DOCK4: variants seen among roughly 807,000 people sequenced by gnomAD.
The protein encoded by DOCK4 is dedicator of cytokinesis 4.
DOCK4 carries 97 observed loss-of-function variants against 268.1 expected under a neutral mutation model. That is an observed-to-expected ratio of 0.36 (90% CI 0.31 to 0.43). The LOEUF is 0.43. Among genes scored for constraint, DOCK4 ranks in the 20% least tolerant of loss-of-function variants. The pLI is 1.00. For missense variants in DOCK4, 2,145 were observed against 2,455.7 expected (o/e 0.87, Z 2.67); for synonymous variants, 954 against 887.2 (o/e 1.08, Z -1.34).
chr7:111,915,753 A>G, intron 13 of DOCK4, 26 bp downstream of exon 13: 1 of 1,607,404 alleles, frequency 6.2e-7, no homozygotes. Context: ...ATATTTCATC[A>G]TATCGGTACG....
intron 16 of DOCK4, among the ~76,000 whole-genome samples, chr7:111,882,005 A>G (rs1007569502): frequency 6.6e-6 from 1 of 152,208 alleles, no homozygotes; most frequent in Non-Finnish European, 1.5e-5. Context: ...AAGACCTAGT[A>G]TTTGATAACA....
At chr7:112,151,533 G>A (rs1367406100) in intron 1 of DOCK4, among the ~76,000 whole-genome samples, 2 of 151,930 alleles carry the variant, frequency 1.3e-5, no homozygotes, top group Non-Finnish European at 1.5e-5. Context: ...AAATTCAGAG[G>A]GACACCACTG....
chr7:112,178,480 C>T (rs914667157), intron 1 of DOCK4, among the ~76,000 whole-genome samples: 10 of 152,162 alleles, frequency 6.6e-5, no homozygotes, highest in Non-Finnish European at 1.5e-4. Context: ...TCAAAGACTA[C>T]ACCTTTGTCT....
At chr7:112,090,698 T>A (rs1809544977) in intron 1 of DOCK4, among the ~76,000 whole-genome samples, 1 of 152,166 alleles carries the variant, frequency 6.6e-6, no homozygotes, top group African/African-American at 2.4e-5. Flanking sequence ...TTTGATTCTA[T>A]AAACTATATT....
In DOCK4 at chr7:111,945,726, G is replaced by A. The variant is rs1795565179; in HGVS notation, c.774C>T (p.Ser258=). Residue 258 remains serine (S), a synonymous_variant, in exon 9 of 53, where the codon TCC becomes TCT. Transcript: ENST00000428084. ...AACAAGATCCACTCACCACAAAGAG[G>A]GAGCAATGTCGTTCCGGTTTATCAG... is the stretch of plus-strand genomic sequence containing the variant. The part of the protein sequence containing the change: ...KAPDKPERHC[S]LFVDLGSSEL... 1 of 1,595,280 alleles carries A rather than the reference G, an allele frequency of 6.3e-7. No individual in the cohort carries two copies. Among genetic ancestry groups the A allele is most frequent in the African/African-American group, 1.3e-5 (1 of 74,748 alleles).
intron 1 of DOCK4, among the ~76,000 whole-genome samples, chr7:112,204,045 A>G (rs1344613754): frequency 6.6e-6 from 1 of 152,128 alleles, no homozygotes; most frequent in African/African-American, 2.4e-5. Context: ...CTTTTTCTCA[A>G]TTGTGAGCAC....
chr7:112,034,920 C>A (rs1012553089), intron 1 of DOCK4, among the ~76,000 whole-genome samples: 16 of 151,612 alleles, frequency 1.1e-4, no homozygotes, highest in East Asian at 3.9e-4. Context: ...AACAAACAAA[C>A]AAAAAAAACA....
chr7:112,128,377 A>G (rs1343681983), intron 1 of DOCK4, among the ~76,000 whole-genome samples: 1 of 152,050 alleles, frequency 6.6e-6, no homozygotes, highest in African/African-American at 2.4e-5. Context: ...CTGGGAAGTG[A>G]GGAGCCCCTC....
intron 8 of DOCK4, among the ~76,000 whole-genome samples, chr7:111,948,266 A>G (rs541071920): frequency 6.6e-6 from 1 of 152,336 alleles, no homozygotes; most frequent in South Asian, 2.1e-4. Flanking sequence ...AAATAGTTTT[A>G]CTCAAGGTCA....
chr7:112,023,727 A>G, intron 1 of DOCK4: 1 of 407,798 alleles, frequency 2.5e-6, no homozygotes. Context: ...AAGGGGGTGC[A>G]TACCTTGTGC....
At chr7:112,088,383 T>C (rs1393907953) in intron 1 of DOCK4, among the ~76,000 whole-genome samples, 1 of 152,168 alleles carries the variant, frequency 6.6e-6, no homozygotes, top group African/African-American at 2.4e-5. Flanking sequence ...TAAAAAAATG[T>C]ATCTCCTATA....
chr7:111,946,754 G>A (rs965785763), intron 8 of DOCK4, among the ~76,000 whole-genome samples: 8 of 152,018 alleles, frequency 5.3e-5, no homozygotes, highest in African/African-American at 1.7e-4. Context: ...GCTAATTTCT[G>A]CACTTTAAGT....
chr7:112,171,011 G>A (rs748724546), intron 1 of DOCK4, among the ~76,000 whole-genome samples: 9 of 152,148 alleles, frequency 5.9e-5, no homozygotes, highest in Non-Finnish European at 7.4e-5. Flanking sequence ...CTAAACTAAC[G>A]TGAACATGAA....
chr7:111,741,520 T>A lies in DOCK4; in HGVS notation c.4919+20A>T, dbSNP rs760727286. On this transcript the variant is annotated intron_variant, in intron 46 of 52. Coordinates refer to ENST00000428084, the MANE Select transcript of DOCK4 (RefSeq NM_001363540.2). ...TTGCGGGTGAGGCCAAATTGTAAGATAATTTGGAATATGACTTACCTGCGT... is the reference window on the plus strand; with the variant it reads ...TTGCGGGTGAGGCCAAATTGTAAGAAAATTTGGAATATGACTTACCTGCGT... 3.1e-6 allele frequency: 5 copies of A among 1,609,906 alleles called. No homozygotes were observed. In the Admixed American group the frequency reaches 8.4e-5, roughly 27 times the overall value.
At chr7:111,928,816 T>C (rs1793951097) in intron 12 of DOCK4, among the ~76,000 whole-genome samples, 1 of 152,182 alleles carries the variant, frequency 6.6e-6, no homozygotes, top group Admixed American at 6.5e-5. Context: ...CTCGAACTCC[T>C]GACCTCAAGT....
intron 30 of DOCK4, chr7:111,801,856 AT>A (rs538307512): frequency 0.05 from 6,587 of 132,694 alleles, 403 homozygotes; most frequent in African/African-American, 0.16. Context: ...CGCTGGGCTA[AT>A]TTTTTTTTTT....
Position 111,811,938 on chromosome 7 carries a change from G to T in DOCK4, c.2942C>A (p.Thr981Lys). ...TGCATCTGAGAGGTATAGAACTGTT[G>T]TAATAATAACACTAGTGATAAAAAA... ...MRLVANNVII[T>K]TVLYLSDALR... is the part of the protein sequence containing the mutation. Residue 981 changes from threonine to lysine, a missense_variant, in exon 28 of 53, where the codon ACA becomes AAA. By Grantham distance (78) the Thr-to-Lys change is moderately conservative (BLOSUM62 -1). Transcript: ENST00000428084. 6.6e-7 allele frequency: 1 copy of T among 1,509,204 alleles called. No individual in the cohort carries two copies. The highest frequency in any genetic ancestry group is 2.5e-5 in the East Asian group (1 of 40,480). The allele number at this position is 1,509,204 out of a possible 1,614,324, so 93.5% of individuals were successfully genotyped here. A position where few individuals can be genotyped will look rare whatever the true frequency, so the allele number is the denominator to read the frequency against.
chr7:111,999,118 C>G lies in DOCK4; in HGVS notation c.163-615G>C, dbSNP rs1455714548. ...AAATGACAAGGCAAGGAAATTGTTTCTTTGTTCTAAATGGGAAATTGAAAG... is the reference window on the plus strand; with the variant it reads ...AAATGACAAGGCAAGGAAATTGTTTGTTTGTTCTAAATGGGAAATTGAAAG... On this transcript the variant is annotated intron_variant, in intron 3 of 52. Coordinates refer to ENST00000428084, the MANE Select transcript of DOCK4 (RefSeq NM_001363540.2). Among the ~76,000 whole-genome samples, 8 of 151,898 alleles carry G rather than the reference C, an allele frequency of 5.3e-5. No individual in the cohort carries two copies. In the East Asian group the frequency reaches 1.5e-3, roughly 29 times the overall value.
chr7:111,845,927 AACTGAATTCATGCCTTCTGTC>A (rs1399300034), intron 24 of DOCK4, among the ~76,000 whole-genome samples: 1 of 152,178 alleles, frequency 6.6e-6, no homozygotes, highest in Non-Finnish European at 1.5e-5. Flanking sequence ...GCGGGTTTAA[AACTGAATTCATGCCTTCTGTC>A]ACCACTGTTC....
Sources: allele counts gnomAD v4.1 joint callset (sites outside exome capture counted in the v4.1 genomes callset), GRCh38; gene constraint gnomAD v4.1.1; transcripts MANE v1.5; gene names NCBI Gene and HGNC (gene_info 2026-07-23, HGNC 2026-07-21).